The following IQGAP2 variants were observed in gnomAD, a reference collection of about 807,000 sequenced individuals.
The protein encoded by IQGAP2 is ras GTPase-activating-like protein IQGAP2.
In IQGAP2, 173 loss-of-function variants were observed where a neutral mutation model predicts 201.3. The ratio of observed to expected loss-of-function variants is 0.86; its 90% CI spans 0.76 to 0.98. The LOEUF (loss-of-function observed/expected upper bound fraction) is 0.98. Ranked by LOEUF, IQGAP2 falls within the 50% of genes least tolerant of loss-of-function variation. The pLI is 0.00. For synonymous variants in IQGAP2, 675 were observed against 673.9 expected, an observed-to-expected ratio of 1.00 and a Z score of -0.03; for missense variants, 1,687 against 1,864.8, an observed-to-expected ratio of 0.90 and a Z score of 1.76.
chr5:76,481,337 C>G (rs1755783264), intron 2 of IQGAP2, among the ~76,000 whole-genome samples: 1 of 151,844 alleles, frequency 6.6e-6, no homozygotes, highest in Non-Finnish European at 1.5e-5. Context: ...TTTATTTAAC[C>G]TAGTATATCC....
chr5:76,646,364 A>T (rs899645986), intron 17 of IQGAP2, among the ~76,000 whole-genome samples: 1 of 152,152 alleles, frequency 6.6e-6, no homozygotes, highest in Non-Finnish European at 1.5e-5. Context: ...TATTTTGGTT[A>T]TTTACATTTT....
At chr5:76,697,386 A>G (rs1431864309) in intron 32 of IQGAP2, among the ~76,000 whole-genome samples, 4 of 152,224 alleles carry the variant, frequency 2.6e-5, no homozygotes, top group African/African-American at 9.6e-5. Context: ...TCTCATGCCT[A>G]TAATCCCAGC....
chr5:76,685,621 G>A (rs541742635), intron 30 of IQGAP2, among the ~76,000 whole-genome samples: 1 of 152,276 alleles, frequency 6.6e-6, no homozygotes, highest in South Asian at 2.1e-4. Context: ...ATGTGTCTTA[G>A]CCTGGGAAAC....
At chr5:76,516,005 G>A (rs146729391) in intron 2 of IQGAP2, among the ~76,000 whole-genome samples, 1 of 150,912 alleles carries the variant, frequency 6.6e-6, no homozygotes, top group Non-Finnish European at 1.5e-5. Flanking sequence ...AGCCTCTTGA[G>A]TAGCTGGGAC....
At chr5:76,454,945 T>G (rs1027923615) in intron 1 of IQGAP2, among the ~76,000 whole-genome samples, 2 of 152,148 alleles carry the variant, frequency 1.3e-5, no homozygotes, top group Non-Finnish European at 2.9e-5. Flanking sequence ...CACATCCTCT[T>G]CAGCACCTGT....
At chr5:76,626,731 C>G (rs1750272760) in intron 13 of IQGAP2, among the ~76,000 whole-genome samples, 1 of 152,128 alleles carries the variant, frequency 6.6e-6, no homozygotes, top group Non-Finnish European at 1.5e-5. Flanking sequence ...CCTGGGACAC[C>G]TTGACACTTA....
intron 30 of IQGAP2, 36 bp downstream of exon 30, chr5:76,683,953 T>C (rs745347000): frequency 1.9e-6 from 3 of 1,567,400 alleles, no homozygotes; most frequent in Non-Finnish European, 2.6e-6. Context: ...TGTCTCCAAA[T>C]ACACATCTTA....
At chr5:76,703,205 G>T (rs924815585) in intron 35 of IQGAP2, among the ~76,000 whole-genome samples, 3 of 152,164 alleles carry the variant, frequency 2.0e-5, no homozygotes, top group Admixed American at 2.0e-4. Flanking sequence ...GCCCAGGCTG[G>T]AATACAGTGG....
intron 12 of IQGAP2, among the ~76,000 whole-genome samples, chr5:76,609,544 A>G (rs1404964522): frequency 6.6e-6 from 1 of 152,174 alleles, no homozygotes. Context: ...TCTATTCAAG[A>G]AATATTTAGC....
Position 76,503,740 on chromosome 5 carries a change from G to C in IQGAP2, c.146+42071G>C, listed in dbSNP as rs1328402604. Among the ~76,000 whole-genome samples the C allele has an allele frequency of 4.6e-5, 7 of 151,852 alleles. No individual in the cohort carries two copies. The South Asian group carries it at 1.3e-3, about 27-fold the overall frequency. On this transcript the variant is annotated intron_variant, in intron 2 of 35. Transcript: ENST00000274364. ...CCGAGTTAGCTGGGATCACAGGCAT[G>C]CACTACCATGCCCAGCTAATTTTTG...
chr5:76,486,632 C>T (rs1756158149), intron 2 of IQGAP2, among the ~76,000 whole-genome samples: 1 of 122,836 alleles, frequency 8.1e-6, no homozygotes, highest in South Asian at 2.4e-4. Context: ...TTTGCCAATT[C>T]AGTGATTTTT....
chr5:76,515,407 T>C (rs1380395653), intron 2 of IQGAP2, among the ~76,000 whole-genome samples: 2 of 152,238 alleles, frequency 1.3e-5, no homozygotes, highest in Non-Finnish European at 2.9e-5. Context: ...AGTAAAAGAT[T>C]TTCAAGTAAG....
chr5:76,410,124 A>G (rs540902342), intron 1 of IQGAP2, among the ~76,000 whole-genome samples: 1 of 152,242 alleles, frequency 6.6e-6, no homozygotes, highest in Non-Finnish European at 1.5e-5. Flanking sequence ...AATCTGGGTG[A>G]CAAGTAAAAA....
chr5:76,678,290 A>G (rs920211271), intron 28 of IQGAP2, among the ~76,000 whole-genome samples: 8 of 152,164 alleles, frequency 5.3e-5, no homozygotes, highest in Non-Finnish European at 1.0e-4. Context: ...TATGACATCT[A>G]CATCTGGTTT....
At chr5:76,491,018 G>C (rs928127605) in intron 2 of IQGAP2, among the ~76,000 whole-genome samples, 7 of 147,714 alleles carry the variant, frequency 4.7e-5, no homozygotes, top group African/African-American at 1.3e-4. Flanking sequence ...GAGTCCTTGG[G>C]TTTATCAGCT....
intron 2 of IQGAP2, among the ~76,000 whole-genome samples, chr5:76,532,541 C>T (rs1407443154): frequency 6.6e-6 from 1 of 152,038 alleles, no homozygotes; most frequent in Non-Finnish European, 1.5e-5. Flanking sequence ...GGTAAGACAG[C>T]CTCCTATCCT....
At position 76,541,075 on chromosome 5, in the gene IQGAP2, T is replaced by C. The variant is rs184692344; in HGVS notation, c.147-21321T>C. ...ATTCTAACCATTTTTAAATGGACAA[T>C]CTAGTGGCATTAAGTACATTTACAA... On this transcript the variant is annotated intron_variant, in intron 2 of 35. Transcript: ENST00000274364. 1.8e-3 allele frequency among the ~76,000 whole-genome samples: 275 copies of C among 152,252 alleles called. 1 individual carries two copies. Among genetic ancestry groups the C allele is most frequent in the African/African-American group, 6.5e-3 (268 of 41,534 alleles).
At chr5:76,554,970 T>C (rs1422689231) in intron 2 of IQGAP2, among the ~76,000 whole-genome samples, 1 of 152,198 alleles carries the variant, frequency 6.6e-6, no homozygotes, top group African/African-American at 2.4e-5. Context: ...TGAAACATTA[T>C]TCAAGAAAAA....
rs1745516301 is a variant in IQGAP2 at position 76,683,864 on chromosome 5, C to T, written c.3852C>T (p.Ser1284=). Residue 1284 remains serine, a synonymous_variant, in exon 30 of 36, where the codon AGC becomes AGT. Transcript: ENST00000274364. ...SKTEISLVLT[S]KYDIEDGEAI... The stretch of plus-strand genomic sequence containing the variant: ...CCGAGATTTCTCTTGTCTTGACAAG[C>T]AAATATGACATAGAGGACGGTGAAG... 6.2e-7 allele frequency: 1 copy of T among 1,613,178 alleles called. No homozygotes were observed. The highest frequency in any genetic ancestry group is 1.1e-5 in the South Asian group (1 of 90,904).
Sources: gnomAD v4.1 joint callset for allele counts (sites outside exome capture counted in the v4.1 genomes callset) on GRCh38, gnomAD v4.1.1 for gene constraint, MANE v1.5 for transcripts, NCBI Gene and HGNC (gene_info 2026-07-23, HGNC 2026-07-21) for gene names.